Variants in KDM2B observed in about 807,000 individuals in gnomAD.
KDM2B encodes lysine demethylase 2B.
KDM2B carries 26 observed loss-of-function variants against 150.0 expected under a neutral mutation model. The ratio of observed to expected loss-of-function variants is 0.17; its 90% confidence interval spans 0.13 to 0.24. The LOEUF is 0.24. Ranked by LOEUF, KDM2B falls within the 10% of genes least tolerant of loss-of-function variation. The pLI is 1.00. For synonymous variants in KDM2B, 734 were observed against 729.5 expected (o/e 1.01, Z -0.10); for missense variants, 1,265 against 1,816.9 (o/e 0.70, Z 5.52).
intron 12 of KDM2B, among the ~76,000 whole-genome samples, chr12:121,461,418 A>AT (rs782401278): frequency 2.6e-5 from 4 of 152,070 alleles, no homozygotes; most frequent in Non-Finnish European, 4.4e-5. Context: ...GGGAGTGGAT[A>AT]TTTTTGGGGC....
chr12:121,442,385 G>A lies in KDM2B; in HGVS notation c.3056C>T (p.Pro1019Leu), dbSNP rs782196101. 1.5e-5 allele frequency: 24 copies of A among 1,589,566 alleles called. No individual in the cohort carries two copies. Among genetic ancestry groups the A allele is most frequent in the South Asian group, 4.5e-5 (4 of 89,172 alleles). The stretch of plus-strand genomic sequence containing the variant: ...TGGGGGCCGGGAGATGACACGGGGC[G>A]GGCTGCGCAGGCTGGGCCCCAGCTG... Reference protein sequence around the residue: ...RHQLGPSLRSPPRVISRPPPS... With the variant: ...RHQLGPSLRSLPRVISRPPPS... The change falls in exon 19 of 23, where the codon CCG becomes CTG. Residue 1019 changes from proline (P) to leucine (L), a missense_variant. Pro to Leu is a moderately conservative substitution (Grantham distance 98). Coordinates refer to ENST00000377071, the MANE Select transcript of KDM2B (RefSeq NM_032590.5). The surrounding 1 kb of genome is among the most constrained non-coding windows in gnomAD (Gnocchi z 7.7).
In KDM2B at chr12:121,509,963, C is replaced by A; in HGVS notation, c.1251G>T (p.Gln417His). The A allele has an allele frequency of 6.2e-7, 1 of 1,609,070 alleles. No individual in the cohort carries two copies. ...CCTTCTCCTCCTCCTCCTGAGGCTG[C>A]TGATCACAGGCCTCCTCCTCCATCT... ...WLEMEEEACD[Q>H]QPQEEEEKDE... The change falls in exon 11 of 23, where the codon CAG becomes CAT. Residue 417 changes from glutamine to histidine, a missense_variant. Coordinates refer to ENST00000377071, the MANE Select transcript of KDM2B (RefSeq NM_032590.5).
intron 4 of KDM2B, among the ~76,000 whole-genome samples, chr12:121,571,646 G>A (rs1006826686): frequency 1.3e-5 from 2 of 149,378 alleles, no homozygotes; most frequent in Non-Finnish European, 3.0e-5. Context: ...ATGTGAATAT[G>A]ATCTCAATTT....
chr12:121,532,715 A>C, intron 8 of KDM2B, 91 bp downstream of exon 8: 1 of 1,391,962 alleles, frequency 7.2e-7, no homozygotes, highest in Non-Finnish European at 9.9e-7. Flanking sequence ...TGTCAAACCC[A>C]CCAGGCCCAG....
At position 121,430,236 on chromosome 12, in the gene KDM2B, A is replaced by G. The variant is rs1872781122; in HGVS notation, c.*52T>C. ...GGAAAATAAAAGCCCTCATTTTTGTAAAGTCTCTCCCCTCCCAGAGCCCGC... is the reference window on the plus strand; with the variant it reads ...GGAAAATAAAAGCCCTCATTTTTGTGAAGTCTCTCCCCTCCCAGAGCCCGC... On this transcript the variant is annotated 3_prime_UTR_variant, in exon 23 of 23. Transcript: ENST00000377071. This position sits in a 1 kb window ranked among gnomAD's most constrained non-coding sequence, Gnocchi z 4.4. The G allele has an allele frequency of 2.5e-6, 4 of 1,614,132 alleles. No homozygotes were observed. Among genetic ancestry groups the G allele is most frequent in the Non-Finnish European group, 3.4e-6 (4 of 1,180,006 alleles).
At chr12:121,576,118 G>A (rs1484689883) in intron 2 of KDM2B, among the ~76,000 whole-genome samples, 1 of 152,126 alleles carries the variant, frequency 6.6e-6, no homozygotes, top group Non-Finnish European at 1.5e-5. Context: ...GTCCAAACTT[G>A]TCAATGAACA....
intron 11 of KDM2B, among the ~76,000 whole-genome samples, chr12:121,497,676 C>T (rs1255220045): frequency 6.6e-6 from 1 of 152,040 alleles, no homozygotes; most frequent in Non-Finnish European, 1.5e-5. Context: ...GAACAGATCT[C>T]CTCAAAACTG....
At chr12:121,524,205 T>G (rs1886935638) in intron 8 of KDM2B, among the ~76,000 whole-genome samples, 1 of 151,942 alleles carries the variant, frequency 6.6e-6, no homozygotes, top group Non-Finnish European at 1.5e-5. Context: ...TCCCCTCCAC[T>G]CCCCTCCCTT....
chr12:121,411,328 G>A, the KDM2B span, among the ~76,000 whole-genome samples: 2 of 152,042 alleles, frequency 1.3e-5, no homozygotes, highest in Admixed American at 6.6e-5. Flanking sequence ...GTATAGAAAC[G>A]TGAGGAATGG....
chr12:121,479,359 C>T (rs896770175), intron 12 of KDM2B, among the ~76,000 whole-genome samples: 14 of 149,576 alleles, frequency 9.4e-5, no homozygotes, highest in Non-Finnish European at 1.5e-4. Flanking sequence ...CCCAGCTACT[C>T]GGAAGGCTGA....
intron 4 of KDM2B, among the ~76,000 whole-genome samples, chr12:121,558,929 G>A (rs904746947): frequency 3.9e-5 from 6 of 152,042 alleles, no homozygotes; most frequent in Non-Finnish European, 5.9e-5. Context: ...CACTGCCATC[G>A]CCGCCCTCCC....
chr12:121,500,075 G>C (rs2140500016), intron 11 of KDM2B, among the ~76,000 whole-genome samples: 1 of 152,156 alleles, frequency 6.6e-6, no homozygotes, highest in South Asian at 2.1e-4. Context: ...GCCACCAGGG[G>C]GCGCCCTGGG....
intron 8 of KDM2B, among the ~76,000 whole-genome samples, chr12:121,532,363 C>A (rs1376403152): frequency 6.6e-6 from 1 of 152,152 alleles, no homozygotes; most frequent in African/African-American, 2.4e-5. Context: ...GCCCTCATGA[C>A]CACCCTGGGG....
chr12:121,512,756 C>G (rs1391720184), intron 10 of KDM2B, among the ~76,000 whole-genome samples: 2 of 152,208 alleles, frequency 1.3e-5, no homozygotes, highest in African/African-American at 4.8e-5. Context: ...GGCAGCAGGG[C>G]TGGGCGCTGC....
chr12:121,502,812 G>A (rs988546809), intron 11 of KDM2B, among the ~76,000 whole-genome samples: 26 of 145,766 alleles, frequency 1.8e-4, no homozygotes, highest in African/African-American at 5.9e-4. Context: ...GCATGGTATC[G>A]CATGCCTGTA....
chr12:121,416,397 A>C, the KDM2B span: 1 of 1,456,936 alleles, frequency 6.9e-7, no homozygotes, highest in East Asian at 2.3e-5. Context: ...ATGAAATGTT[A>C]CATAACAACA....
At position 121,509,842 on chromosome 12, in the gene KDM2B, C is replaced by G; in HGVS notation, c.1372G>C (p.Gly458Arg). 6.2e-7 allele frequency: 1 copy of G among 1,614,002 alleles called. No homozygotes were observed. The highest frequency in any genetic ancestry group is 8.5e-7 in the Non-Finnish European group (1 of 1,179,998). Residue 458 changes from glycine (G) to arginine (R), a missense_variant, in exon 11 of 23, where the codon GGG becomes CGG. Coordinates refer to ENST00000377071, the MANE Select transcript of KDM2B (RefSeq NM_032590.5). ...AGGGCAGGTGCTTTGGGCTTCTTCCCGAGGGCCTCCTGGTCCTCAGAGGGC... is the reference window on the plus strand; with the variant it reads ...AGGGCAGGTGCTTTGGGCTTCTTCCGGAGGGCCTCCTGGTCCTCAGAGGGC... ...STPSEDQEAL[G>R]KKPKAPALRF...
intron 6 of KDM2B, among the ~76,000 whole-genome samples, chr12:121,545,911 G>A (rs1555310612): frequency 6.9e-6 from 1 of 145,588 alleles, no homozygotes; most frequent in Admixed American, 7.2e-5. Flanking sequence ...ACCATCCCAA[G>A]TCGACTACAC....
Position 121,478,924 on chromosome 12 carries a change from C to T in KDM2B, c.1734+15655G>A, listed in dbSNP as rs75013156. Among the ~76,000 whole-genome samples the T allele has an allele frequency of 1.1e-3, 153 of 135,160 alleles. 1 individual carries two copies. In the East Asian group the frequency reaches 0.024, roughly 21 times the overall value. The allele number at this position is 135,160 out of a possible 152,430, so 88.7% of individuals were successfully genotyped here. On this transcript the variant is annotated intron_variant, in intron 12 of 22. Transcript: ENST00000377071. The stretch of plus-strand genomic sequence containing the variant: ...GTAGAGACAGAGTTTCGTCATGTTG[C>T]CTAGGCTGTTCTCAAGCTCCTGGGC...
Sources: allele counts gnomAD v4.1 joint callset (sites outside exome capture counted in the v4.1 genomes callset), GRCh38; gene constraint gnomAD v4.1.1; non-coding constraint Gnocchi (gnomAD v3.1); transcripts MANE v1.5; gene names NCBI Gene and HGNC (gene_info 2026-07-23, HGNC 2026-07-21).